NCKAP5: variants seen among roughly 807,000 people sequenced by gnomAD.
NCKAP5 encodes the protein nck-associated protein 5.
In NCKAP5, 92 loss-of-function variants were observed where a neutral mutation model predicts 167.0. The ratio of observed to expected loss-of-function variants is 0.55; its 90% CI spans 0.47 to 0.66. The LOEUF is 0.66. NCKAP5 is among the 30% of genes least tolerant of loss of function. The pLI is 0.00. For missense variants in NCKAP5, 2,378 were observed against 2,315.0 expected (o/e 1.03, Z -0.56); for synonymous variants, 891 against 877.4 (o/e 1.02, Z -0.27).
chr2:133,337,925 C>T (rs1398523473), intron 3 of NCKAP5, among the ~76,000 whole-genome samples: 1 of 152,142 alleles, frequency 6.6e-6, no homozygotes, highest in African/African-American at 2.4e-5. Flanking sequence ...TATGTTTAAA[C>T]AATTTTGCCC....
At chr2:133,230,963 G>A (rs1356280535) in intron 4 of NCKAP5, among the ~76,000 whole-genome samples, 1 of 152,140 alleles carries the variant, frequency 6.6e-6, no homozygotes, top group African/African-American at 2.4e-5. Flanking sequence ...CACACAAATG[G>A]TTTTTAGGGG....
chr2:133,052,512 G>A (rs997450515), intron 6 of NCKAP5, among the ~76,000 whole-genome samples: 2 of 152,158 alleles, frequency 1.3e-5, no homozygotes, highest in African/African-American at 4.8e-5. Flanking sequence ...GAGGTCAGGA[G>A]TTTGAGACCA....
chr2:133,087,650 A>G (rs2081037318), intron 6 of NCKAP5, among the ~76,000 whole-genome samples: 1 of 152,208 alleles, frequency 6.6e-6, no homozygotes, highest in African/African-American at 2.4e-5. Context: ...CTTGATGCAC[A>G]TCTCTACTGT....
rs149549608 is a variant in NCKAP5, at chr2:133,486,280, C to G, written c.69+31178G>C. The stretch of plus-strand genomic sequence containing the variant: ...TAGGTAGACATCACATGCCTTTTTC[C>G]GCTTATTTGTTTTTAAAGAAGAAAG... On this transcript the variant is annotated intron_variant, in intron 3 of 19. Transcript: ENST00000409261. 1.7e-3 allele frequency among the ~76,000 whole-genome samples: 258 copies of G among 152,218 alleles called. 4 individuals carry two copies. The highest frequency in any genetic ancestry group is 6.0e-3 in the African/African-American group (249 of 41,532).
intron 18 of NCKAP5, among the ~76,000 whole-genome samples, chr2:132,727,320 T>C (rs1690556471): frequency 1.3e-5 from 2 of 152,214 alleles, no homozygotes; most frequent in Non-Finnish European, 2.9e-5. Context: ...TGTGTGTCTG[T>C]CATGATTTTC....
rs899381591 is a variant in NCKAP5 at position 132,675,163 on chromosome 2, A to C, written c.5714-1858T>G. 2.6e-5 allele frequency among the ~76,000 whole-genome samples: 4 copies of C among 152,232 alleles called. No homozygotes were observed. In the East Asian group the frequency reaches 7.7e-4, roughly 29 times the overall value. On this transcript the variant is annotated intron_variant, in intron 19 of 19. Coordinates refer to ENST00000409261, the MANE Select transcript of NCKAP5 (RefSeq NM_207363.3). Reference sequence around the variant, plus strand: ...ACACACTCATTAGAGAAGCTACTGCAAGGCAGGCTGAAGGCTTTGGTACTG... The same window carrying C: ...ACACACTCATTAGAGAAGCTACTGCCAGGCAGGCTGAAGGCTTTGGTACTG...
chr2:132,747,182 A>C (rs1679724207), intron 16 of NCKAP5, among the ~76,000 whole-genome samples: 1 of 151,698 alleles, frequency 6.6e-6, no homozygotes, highest in Admixed American at 6.6e-5. Flanking sequence ...AAAAAAAAAA[A>C]ACAAAACAAA....
the NCKAP5 span, among the ~76,000 whole-genome samples, chr2:133,595,384 TC>T: frequency 2.9e-5 from 2 of 69,886 alleles, no homozygotes; most frequent in Non-Finnish European, 9.4e-5. Flanking sequence ...TTCTTCTTCC[TC>T]CTCCTCCTCT....
chr2:132,736,800 A>C (rs1408509572), intron 16 of NCKAP5, among the ~76,000 whole-genome samples: 1 of 152,142 alleles, frequency 6.6e-6, no homozygotes, highest in African/African-American at 2.4e-5. Flanking sequence ...AAACAAAACA[A>C]GAAACAAAAT....
chr2:133,084,800 T>C (rs1294254883), intron 6 of NCKAP5, among the ~76,000 whole-genome samples: 1 of 152,186 alleles, frequency 6.6e-6, no homozygotes, highest in Non-Finnish European at 1.5e-5. Context: ...CTGATACACT[T>C]AGGCATATGT....
At chr2:132,681,418 G>A (rs781538093) in intron 19 of NCKAP5, among the ~76,000 whole-genome samples, 15 of 151,254 alleles carry the variant, frequency 9.9e-5, no homozygotes, top group Non-Finnish European at 1.6e-4. Context: ...TCAGCAAGCC[G>A]GGCCATGGCA....
intron 8 of NCKAP5, among the ~76,000 whole-genome samples, chr2:132,883,357 T>C (rs1325329126): frequency 2.0e-5 from 3 of 152,174 alleles, no homozygotes; most frequent in Non-Finnish European, 4.4e-5. Flanking sequence ...CCAGGGTATA[T>C]CATTTTCACA....
chr2:133,513,968 C>G (rs553558886), intron 3 of NCKAP5, among the ~76,000 whole-genome samples: 1 of 152,112 alleles, frequency 6.6e-6, no homozygotes, highest in African/African-American at 2.4e-5. Flanking sequence ...ATGGGCAGCC[C>G]GGGAATGAGT....
chr2:133,308,111 C>T (rs1167742632), intron 3 of NCKAP5, among the ~76,000 whole-genome samples: 7 of 98,994 alleles, frequency 7.1e-5, no homozygotes, highest in African/African-American at 8.1e-5. Flanking sequence ...TTTTTTGAGA[C>T]GGAGTCTCGC....
At chr2:133,333,325 T>C (rs1479993702) in intron 3 of NCKAP5, among the ~76,000 whole-genome samples, 1 of 152,144 alleles carries the variant, frequency 6.6e-6, no homozygotes, top group Non-Finnish European at 1.5e-5. Flanking sequence ...AAGAGGTCAT[T>C]AGTCAGCAGA....
Position 133,101,277 on chromosome 2 carries a change from C to G in NCKAP5, c.341+28701G>C, listed in dbSNP as rs575568354. ...ATTGATCTATATCTCTGTTTTGGTA[C>G]CAGTACCATGCTGTTTTGGTTACTG... On this transcript the variant is annotated intron_variant, in intron 6 of 19. Transcript: ENST00000409261. 7.1e-5 allele frequency among the ~76,000 whole-genome samples: 10 copies of G among 141,064 alleles called. No homozygotes were observed. The East Asian group carries it at 2.0e-3, about 28-fold the overall frequency. The allele number at this position is 141,064 out of a possible 152,430, so 92.5% of individuals were successfully genotyped here.
intron 4 of NCKAP5, among the ~76,000 whole-genome samples, chr2:133,273,918 T>C (rs2089620818): frequency 6.6e-6 from 1 of 150,570 alleles, no homozygotes; most frequent in Non-Finnish European, 1.5e-5. Context: ...TTAAAAAACA[T>C]TTCACCTCCC....
chr2:132,885,896 C>T (rs1692178611), intron 8 of NCKAP5, among the ~76,000 whole-genome samples: 1 of 152,242 alleles, frequency 6.6e-6, no homozygotes, highest in African/African-American at 2.4e-5. Flanking sequence ...CTCTGCATAA[C>T]ATAACAGCTC....
chr2:133,093,384 G>GTGCCTGAATACCACTTATGT (rs1201487904), intron 6 of NCKAP5, among the ~76,000 whole-genome samples: 1 of 152,146 alleles, frequency 6.6e-6, no homozygotes, highest in African/African-American at 2.4e-5. Context: ...TAAAACAGCA[G>GTGCCTGAATACCACTTATGT]TGCCTGAATA....
Sources: allele counts gnomAD v4.1 joint callset (sites outside exome capture counted in the v4.1 genomes callset), GRCh38; gene constraint gnomAD v4.1.1; transcripts MANE v1.5; gene names NCBI Gene and HGNC (gene_info 2026-07-23, HGNC 2026-07-21).